Variants in BANK1 observed in about 807,000 individuals in gnomAD.
BANK1 encodes the protein B cell scaffold protein with ankyrin repeats 1.
In BANK1, 95 loss-of-function variants were observed where a neutral mutation model predicts 94.5. The ratio of observed to expected loss-of-function variants is 1.00; its 90% CI spans 0.85 to 1.19. BANK1 has a LOEUF of 1.19. BANK1 is among the 50% of genes most tolerant of loss of function. The pLI is 0.00. For synonymous variants in BANK1, 334 were observed against 308.4 expected, an observed-to-expected ratio of 1.08 and a Z score of -0.87; for missense variants, 987 against 932.2, an observed-to-expected ratio of 1.06 and a Z score of -0.77.
chr4:101,997,546 G>A (rs1484378197), intron 7 of BANK1, among the ~76,000 whole-genome samples: 3 of 152,014 alleles, frequency 2.0e-5, no homozygotes, highest in Non-Finnish European at 4.4e-5. Flanking sequence ...AATCCATCTG[G>A]TACTAGGCTT....
At chr4:102,013,495 C>T (rs2148943193) in intron 7 of BANK1, among the ~76,000 whole-genome samples, 1 of 152,172 alleles carries the variant, frequency 6.6e-6, no homozygotes, top group East Asian at 1.9e-4. Context: ...ACCCTGCTGA[C>T]ATTCAGCTCT....
chr4:101,804,494 G>A (rs1211981111), intron 1 of BANK1, among the ~76,000 whole-genome samples: 4 of 152,162 alleles, frequency 2.6e-5, no homozygotes, highest in Admixed American at 6.5e-5. Context: ...AGTACCACTA[G>A]TGATGCTGGT....
chr4:102,012,030 A>G (rs2148942461), intron 7 of BANK1, among the ~76,000 whole-genome samples: 1 of 152,300 alleles, frequency 6.6e-6, no homozygotes, highest in African/African-American at 2.4e-5. Flanking sequence ...AAGGATATGT[A>G]TGTATGTCTC....
rs1441047588 is a variant in BANK1, at chr4:101,840,994, T to C, written c.469+10788T>C. Reference sequence around the variant, plus strand: ...GGCATGCGCCGTCACGCCCAGCTAATTTTTTTATTTTTAGTAGAGAAAGTG... The same window carrying C: ...GGCATGCGCCGTCACGCCCAGCTAACTTTTTTATTTTTAGTAGAGAAAGTG... On this transcript the variant is annotated intron_variant, in intron 2 of 16. Transcript: ENST00000322953. 3.3e-5 allele frequency among the ~76,000 whole-genome samples: 5 copies of C among 152,278 alleles called. No individual in the cohort carries two copies. The East Asian group carries it at 5.8e-4, about 18-fold the overall frequency.
intron 7 of BANK1, among the ~76,000 whole-genome samples, chr4:101,932,164 C>T (rs1422287400): frequency 6.6e-6 from 1 of 151,458 alleles, no homozygotes; most frequent in Non-Finnish European, 1.5e-5. Flanking sequence ...CTGTGAAGAA[C>T]TGGCCTATCC....
At chr4:102,070,309 T>C (rs1289688325) in intron 13 of BANK1, among the ~76,000 whole-genome samples, 1 of 152,164 alleles carries the variant, frequency 6.6e-6, no homozygotes. Context: ...ACTGCCCACA[T>C]GCACGGTGTC....
At chr4:101,849,311 T>A (rs1727379346) in intron 2 of BANK1, among the ~76,000 whole-genome samples, 3 of 152,158 alleles carry the variant, frequency 2.0e-5, no homozygotes, top group East Asian at 1.9e-4. Context: ...ACTTCCTGGA[T>A]CTCATGGAGA....
intron 7 of BANK1, among the ~76,000 whole-genome samples, chr4:101,977,408 A>G (rs899535239): frequency 4.6e-5 from 7 of 152,180 alleles, no homozygotes; most frequent in Non-Finnish European, 1.0e-4. Flanking sequence ...AATATTTTAA[A>G]CAGCACTAAT....
chr4:102,014,135 A>G (rs1414806416), intron 7 of BANK1, among the ~76,000 whole-genome samples: 1 of 152,154 alleles, frequency 6.6e-6, no homozygotes, highest in East Asian at 1.9e-4. Context: ...AGATGTTTAA[A>G]TGGGATATTT....
At chr4:101,924,359 C>T (rs1001573631) in intron 7 of BANK1, among the ~76,000 whole-genome samples, 8 of 151,732 alleles carry the variant, frequency 5.3e-5, no homozygotes, top group African/African-American at 2.4e-5. Flanking sequence ...GATGTCACAG[C>T]CGCTGTTTTC....
At chr4:101,968,381 T>A (rs1322898546) in intron 7 of BANK1, among the ~76,000 whole-genome samples, 1 of 152,034 alleles carries the variant, frequency 6.6e-6, no homozygotes, top group Non-Finnish European at 1.5e-5. Flanking sequence ...TAAAGAACAT[T>A]GTGATATGTC....
chr4:101,937,261 C>T (rs1723597443), intron 7 of BANK1, among the ~76,000 whole-genome samples: 1 of 151,802 alleles, frequency 6.6e-6, no homozygotes, highest in Non-Finnish European at 1.5e-5. Flanking sequence ...TAAAGAGCTT[C>T]TGCACAGCAA....
intron 7 of BANK1, among the ~76,000 whole-genome samples, chr4:101,969,463 G>A (rs1724881291): frequency 6.6e-6 from 1 of 152,022 alleles, no homozygotes; most frequent in South Asian, 2.1e-4. Context: ...AGCCAAAAGA[G>A]TCTTGATAAA....
chr4:102,047,494 A>G (rs1222526515), intron 11 of BANK1, among the ~76,000 whole-genome samples: 1 of 152,176 alleles, frequency 6.6e-6, no homozygotes, highest in African/African-American at 2.4e-5. Context: ...ATAAATGCAA[A>G]GCTACATGTA....
chr4:101,989,280 T>C (rs1725615059), intron 7 of BANK1, among the ~76,000 whole-genome samples: 1 of 151,560 alleles, frequency 6.6e-6, no homozygotes, highest in Non-Finnish European at 1.5e-5. Context: ...CCGTCTCTAT[T>C]AAAAATACAA....
At chr4:101,908,085 C>T (rs1451625700) in intron 6 of BANK1, among the ~76,000 whole-genome samples, 4 of 152,182 alleles carry the variant, frequency 2.6e-5, no homozygotes, top group Admixed American at 6.5e-5. Flanking sequence ...CAAAAAAGAG[C>T]CCGCATTGCC....
Position 101,830,004 on chromosome 4 carries a change from G to A in BANK1, c.267G>A (p.Leu89=), listed in dbSNP as rs752716722. 1 of 1,613,266 alleles carries A rather than the reference G, an allele frequency of 6.2e-7. No individual in the cohort carries two copies. The highest frequency in any genetic ancestry group is 8.5e-7 in the Non-Finnish European group (1 of 1,179,736). The change falls in exon 2 of 17, where the codon CTG becomes CTA. Residue 89 remains leucine (L), a synonymous_variant. Coordinates refer to ENST00000322953, the MANE Select transcript of BANK1 (RefSeq NM_017935.5). ...AACTTTTGATATTATCAAATAGCCT[G>A]CTTAGAGACCTAACTCCAAAGAAAT... The part of the protein sequence containing the change: ...KCKLLILSNS[L]LRDLTPKKCQ...
intron 5 of BANK1, among the ~76,000 whole-genome samples, chr4:101,891,202 T>C (rs1721856473): frequency 6.6e-6 from 1 of 152,114 alleles, no homozygotes; most frequent in Admixed American, 6.5e-5. Flanking sequence ...TGATAACAGA[T>C]TCCCTTAGTT....
chr4:101,935,391 G>C (rs556586171), intron 7 of BANK1, among the ~76,000 whole-genome samples: 28 of 151,584 alleles, frequency 1.8e-4, no homozygotes, highest in African/African-American at 6.5e-4. Flanking sequence ...AATACATTTG[G>C]CTCATTAGTG....
Sources: gnomAD v4.1 joint callset for allele counts (sites outside exome capture counted in the v4.1 genomes callset) on GRCh38, gnomAD v4.1.1 for gene constraint, MANE v1.5 for transcripts, NCBI Gene and HGNC (gene_info 2026-07-23, HGNC 2026-07-21) for gene names.